AGBL1: variants seen among roughly 807,000 people sequenced by gnomAD.
AGBL1 encodes AGBL carboxypeptidase 1.
Under a neutral mutation model 118.9 loss-of-function variants are expected in AGBL1, and 130 were observed. That is an observed-to-expected ratio of 1.09 (90% CI 0.95 to 1.26). AGBL1 has a LOEUF of 1.26. AGBL1 is among the 50% of genes most tolerant of loss of function. The pLI, the probability that AGBL1 is intolerant of heterozygous loss-of-function variation, is 0.00. For synonymous variants in AGBL1, 555 were observed against 478.9 expected (o/e 1.16, Z -2.08); for missense variants, 1,584 against 1,298.1 (o/e 1.22, Z -3.38).
intron 5 of AGBL1, among the ~76,000 whole-genome samples, chr15:86,210,216 A>G (rs2078068397): frequency 6.6e-6 from 1 of 152,082 alleles, no homozygotes; most frequent in Admixed American, 6.6e-5. Context: ...CTTTGTGGGT[A>G]ACTTGACCTT....
chr15:86,827,864 C>A (rs1216789476), intron 22 of AGBL1, among the ~76,000 whole-genome samples: 2 of 144,198 alleles, frequency 1.4e-5, no homozygotes, highest in Admixed American at 7.2e-5. Context: ...AAGATGGTAG[C>A]CCTATCTGTG....
intron 18 of AGBL1, among the ~76,000 whole-genome samples, chr15:86,420,767 G>A (rs966150393): frequency 6.6e-6 from 1 of 152,152 alleles, no homozygotes; most frequent in African/African-American, 2.4e-5. Flanking sequence ...GAATATAAAT[G>A]ACCTGATGGA....
chr15:86,782,677 T>G lies in AGBL1; in HGVS notation c.3158+108241T>G, dbSNP rs542327552. ...TCAACTTAAAGTTGGGGCATATCAA[T>G]CAAATTCAGGATCGATCAAGGTAGG... On this transcript the variant is annotated intron_variant, in intron 22 of 22. Coordinates refer to ENST00000614907, the MANE Select transcript of AGBL1 (RefSeq NM_001386094.1). Among the ~76,000 whole-genome samples the G allele has an allele frequency of 5.9e-5, 9 of 152,296 alleles. No individual in the cohort carries two copies. The East Asian group carries it at 1.7e-3, about 29-fold the overall frequency.
chr15:86,428,710 A>T lies in AGBL1; in HGVS notation c.2555+31164A>T, dbSNP rs965103802. On this transcript the variant is annotated intron_variant, in intron 18 of 22. Coordinates refer to ENST00000614907, the MANE Select transcript of AGBL1 (RefSeq NM_001386094.1). ...AATCATGAGGATGGATCAATAATAG[A>T]GTTCGCAGAATATCTGAAGGTCATT... is the stretch of plus-strand genomic sequence containing the variant. 6.6e-5 allele frequency among the ~76,000 whole-genome samples: 10 copies of T among 152,348 alleles called. No homozygotes were observed. The East Asian group carries it at 1.9e-3, about 29-fold the overall frequency.
intron 22 of AGBL1, among the ~76,000 whole-genome samples, chr15:86,890,122 T>C (rs1447583616): frequency 6.6e-6 from 1 of 152,208 alleles, no homozygotes; most frequent in Non-Finnish European, 1.5e-5. Context: ...CACTGTGGTT[T>C]TGATTTGTAT....
intron 2 of AGBL1, among the ~76,000 whole-genome samples, chr15:86,142,529 C>G (rs969575489): frequency 6.6e-6 from 1 of 152,196 alleles, no homozygotes; most frequent in African/African-American, 2.4e-5. Context: ...TCTATTCGCT[C>G]AAGTTCTTAC....
intron 17 of AGBL1, among the ~76,000 whole-genome samples, chr15:86,348,403 C>T (rs1187147605): frequency 6.6e-6 from 1 of 152,232 alleles, no homozygotes; most frequent in Non-Finnish European, 1.5e-5. Flanking sequence ...CAGGGCACTG[C>T]TTCGCAATTA....
At chr15:86,424,960 AC>A in intron 18 of AGBL1, among the ~76,000 whole-genome samples, 1 of 152,216 alleles carries the variant, frequency 6.6e-6, no homozygotes, top group Middle Eastern at 3.2e-3. Context: ...AATTAGTTCA[AC>A]CATTGTGGAA....
At chr15:86,438,999 A>C (rs938119751) in intron 18 of AGBL1, among the ~76,000 whole-genome samples, 2 of 151,712 alleles carry the variant, frequency 1.3e-5, no homozygotes, top group Non-Finnish European at 2.9e-5. Flanking sequence ...TCCCTCCTCC[A>C]TTGTCTCCTG....
At chr15:86,832,897 A>G (rs1433555093) in intron 22 of AGBL1, among the ~76,000 whole-genome samples, 2 of 152,198 alleles carry the variant, frequency 1.3e-5, no homozygotes, top group Non-Finnish European at 2.9e-5. Context: ...AAGACATACC[A>G]TAGACTGGGT....
rs190665670 is a variant in AGBL1 at position 86,898,825 on chromosome 15, C to G, written c.3159-8262C>G. 1.6e-3 allele frequency among the ~76,000 whole-genome samples: 247 copies of G among 151,976 alleles called. 1 individual carries two copies. Among genetic ancestry groups the G allele is most frequent in the Non-Finnish European group, 3.0e-3 (201 of 67,960 alleles). The stretch of plus-strand genomic sequence containing the variant: ...CACTGATCATTGAAGAAATGCAAAT[C>G]AAAATGACAATGAGATACCATCTCG... On this transcript the variant is annotated intron_variant, in intron 22 of 22. Coordinates refer to ENST00000614907, the MANE Select transcript of AGBL1 (RefSeq NM_001386094.1).
intron 21 of AGBL1, among the ~76,000 whole-genome samples, chr15:86,626,600 T>C (rs951940377): frequency 6.6e-6 from 1 of 152,058 alleles, no homozygotes; most frequent in Admixed American, 6.6e-5. Flanking sequence ...CAAACCTTCA[T>C]GACACAAGTT....
chr15:86,381,250 G>A (rs560138003), intron 17 of AGBL1, among the ~76,000 whole-genome samples: 2 of 152,150 alleles, frequency 1.3e-5, no homozygotes, highest in Non-Finnish European at 2.9e-5. Context: ...GAATTCTTGT[G>A]AAGTGTGGAA....
At chr15:86,849,954 G>GA in intron 22 of AGBL1, among the ~76,000 whole-genome samples, 1 of 152,124 alleles carries the variant, frequency 6.6e-6, no homozygotes, top group Non-Finnish European at 1.5e-5. Context: ...TGGAAAATAA[G>GA]AAAAAAATTG....
chr15:86,489,549 C>T (rs1018860690), intron 18 of AGBL1, among the ~76,000 whole-genome samples: 2 of 152,122 alleles, frequency 1.3e-5, no homozygotes, highest in African/African-American at 4.8e-5. Flanking sequence ...GATATATTAT[C>T]TTCTATCTGG....
chr15:86,713,951 G>A (rs913114876), intron 22 of AGBL1, among the ~76,000 whole-genome samples: 2 of 152,212 alleles, frequency 1.3e-5, no homozygotes, highest in Admixed American at 6.5e-5. Context: ...CATGATGGGT[G>A]TCTACGTGTG....
intron 22 of AGBL1, among the ~76,000 whole-genome samples, chr15:86,767,482 G>A (rs781666899): frequency 2.6e-5 from 4 of 151,938 alleles, no homozygotes; most frequent in Non-Finnish European, 5.9e-5. Flanking sequence ...GAGGAGGCAT[G>A]TTACCCAAAG....
At chr15:86,266,043 C>T (rs571669516) in intron 11 of AGBL1, among the ~76,000 whole-genome samples, 1 of 152,272 alleles carries the variant, frequency 6.6e-6, no homozygotes, top group African/African-American at 2.4e-5. Flanking sequence ...TGCAAACTAC[C>T]CTCTTATTCC....
chr15:87,030,357 C>G (rs1415997364), downstream of AGBL1, among the ~76,000 whole-genome samples: 1 of 151,890 alleles, frequency 6.6e-6, no homozygotes, highest in Non-Finnish European at 1.5e-5. Flanking sequence ...TTTTAAGAAC[C>G]AAATTCTTAG....
Sources: allele counts gnomAD v4.1 joint callset (sites outside exome capture counted in the v4.1 genomes callset), GRCh38; gene constraint gnomAD v4.1.1; transcripts MANE v1.5; gene names NCBI Gene and HGNC (gene_info 2026-07-23, HGNC 2026-07-21).